OXSR1: variants seen among roughly 807,000 people sequenced by gnomAD.
The protein encoded by OXSR1 is serine/threonine-protein kinase OSR1.
Under a neutral mutation model 79.8 loss-of-function variants are expected in OXSR1, and 24 were observed. That is an observed-to-expected ratio of 0.30 (90% CI 0.22 to 0.42). OXSR1 has a LOEUF of 0.42. Among genes scored for constraint, OXSR1 ranks in the 10% least tolerant of loss-of-function variants. The pLI is 1.00. For missense variants in OXSR1, 430 were observed against 618.4 expected (o/e 0.70, Z 3.23); for synonymous variants, 226 against 209.2 (o/e 1.08, Z -0.69).
chr3:38,249,771 T>C (rs1158383758), intron 14 of OXSR1, among the ~76,000 whole-genome samples, 195 bp from the exon 15 acceptor site: 1 of 152,080 alleles, frequency 6.6e-6, no homozygotes, highest in Admixed American at 6.6e-5. Context: ...ATTCAAAGGG[T>C]TGTAGGACAA....
At chr3:38,252,768 C>A in intron 17 of OXSR1, 49 bp from the exon 18 acceptor site, 1 of 1,468,342 alleles carries the variant, frequency 6.8e-7, no homozygotes, top group Non-Finnish European at 9.5e-7. Context: ...TTGCTACCTG[C>A]AAGTTTGTTT....
Position 38,253,224 on chromosome 3 carries a change from G to T in OXSR1, c.*333G>T. On this transcript the variant is annotated 3_prime_UTR_variant, in exon 18 of 18. Transcript: ENST00000311806. The stretch of plus-strand genomic sequence containing the variant: ...TTGCCTTACTCCAATGATGGCCCAG[G>T]TGGAAAAGTAGCAGCTGTATCGGGC... 1 of 276,022 alleles carries T rather than the reference G, an allele frequency of 3.6e-6. No individual in the cohort carries two copies. Among genetic ancestry groups the T allele is most frequent in the Non-Finnish European group, 6.9e-6 (1 of 145,218 alleles). The allele number at this position is 276,022 out of a possible 1,614,324, so 17.1% of individuals were successfully genotyped here. A position where few individuals can be genotyped will look rare whatever the true frequency, so the allele number is the denominator to read the frequency against.
At chr3:38,164,955 G>A (rs998984665), upstream of OXSR1, 1 of 152,214 alleles carries the variant, frequency 6.6e-6, no homozygotes, top group Admixed American at 6.6e-5. Flanking sequence ...ACACCCAAAG[G>A]CTACCCCACC....
intron 1 of OXSR1, 143 bp downstream of exon 1, chr3:38,166,089 T>C (rs1559495727): frequency 7.9e-6 from 6 of 756,322 alleles, no homozygotes; most frequent in Non-Finnish European, 1.3e-5. Flanking sequence ...TGTAGGACGC[T>C]TGTGTCGAGG....
intron 15 of OXSR1, 117 bp downstream of exon 15, chr3:38,250,135 C>T (rs1467819856): frequency 1.4e-5 from 10 of 724,230 alleles, no homozygotes; most frequent in Non-Finnish European, 2.1e-5. Context: ...AAAAATTTTC[C>T]TGGTTTTGGC....
At chr3:38,171,392 G>C (rs1391048478) in intron 1 of OXSR1, among the ~76,000 whole-genome samples, 3 of 152,268 alleles carry the variant, frequency 2.0e-5, no homozygotes, top group African/African-American at 4.8e-5. Flanking sequence ...TAGAAAAAAG[G>C]GTTTGGGATC....
intron 4 of OXSR1, among the ~76,000 whole-genome samples, chr3:38,201,336 C>T (rs911333253): frequency 1.2e-4 from 18 of 151,248 alleles, no homozygotes; most frequent in African/African-American, 3.6e-4. Context: ...GAGAGGCGGG[C>T]GGATTGCTTG....
intron 2 of OXSR1, among the ~76,000 whole-genome samples, chr3:38,189,423 C>A (rs1701943426): frequency 6.6e-6 from 1 of 152,064 alleles, no homozygotes; most frequent in South Asian, 2.1e-4. Flanking sequence ...TTCATATTTA[C>A]TTAGCTTTTA....
intron 10 of OXSR1, 63 bp from the exon 11 acceptor site, chr3:38,236,776 T>C (rs747019446): frequency 2.8e-6 from 4 of 1,424,774 alleles, no homozygotes; most frequent in Middle Eastern, 1.8e-4. Flanking sequence ...GAGAGAAATA[T>C]GGAGTTTTCT....
intron 1 of OXSR1, among the ~76,000 whole-genome samples, chr3:38,178,771 C>G (rs1419192849): frequency 6.6e-6 from 1 of 151,482 alleles, no homozygotes; most frequent in Non-Finnish European, 1.5e-5. Flanking sequence ...AGCCACCATA[C>G]CCGGCCTCAT....
At chr3:38,193,788 G>C (rs958636567) in intron 3 of OXSR1, among the ~76,000 whole-genome samples, 6 of 152,026 alleles carry the variant, frequency 3.9e-5, no homozygotes, top group African/African-American at 1.4e-4. Context: ...GCACTCAGCA[G>C]ATTTCCTGGA....
chr3:38,220,959 G>C (rs1702576914), intron 5 of OXSR1, among the ~76,000 whole-genome samples: 2 of 152,120 alleles, frequency 1.3e-5, no homozygotes, highest in Non-Finnish European at 2.9e-5. Flanking sequence ...AAATCCTGAG[G>C]CTTAGAGAGG....
At chr3:38,235,878 TA>T (rs1484674949) in intron 10 of OXSR1, among the ~76,000 whole-genome samples, 1 of 152,206 alleles carries the variant, frequency 6.6e-6, no homozygotes, top group Non-Finnish European at 1.5e-5. Context: ...GTGCTTAAAC[TA>T]AAAACAGAAG....
At chr3:38,176,298 CT>C (rs1295082353) in intron 1 of OXSR1, among the ~76,000 whole-genome samples, 1 of 152,082 alleles carries the variant, frequency 6.6e-6, no homozygotes, top group African/African-American at 2.4e-5. Flanking sequence ...TTATTTGTAT[CT>C]CTAATCCTTC....
chr3:38,172,847 TC>T (rs1701607879), intron 1 of OXSR1, among the ~76,000 whole-genome samples: 1 of 152,192 alleles, frequency 6.6e-6, no homozygotes, highest in African/African-American at 2.4e-5. Flanking sequence ...AAATCCTTTT[TC>T]CCCCTTATAT....
At position 38,223,794 on chromosome 3, in the gene OXSR1, T is replaced by C; in HGVS notation, c.601-18T>C. Reference sequence around the variant, plus strand: ...CCTTTTATGCTGGTAAAAATAATCATGCAAATCTGTTTTGCAGGTCCGTGG... The same window carrying C: ...CCTTTTATGCTGGTAAAAATAATCACGCAAATCTGTTTTGCAGGTCCGTGG... On this transcript the variant is annotated intron_variant, in intron 6 of 17. Transcript: ENST00000311806. The C allele has an allele frequency of 6.4e-7, 1 of 1,567,338 alleles. No individual in the cohort carries two copies. The highest frequency in any genetic ancestry group is 8.8e-7 in the Non-Finnish European group (1 of 1,140,218).
intron 4 of OXSR1, among the ~76,000 whole-genome samples, chr3:38,204,136 G>C (rs1037363399): frequency 5.3e-5 from 8 of 152,132 alleles, no homozygotes; most frequent in African/African-American, 1.9e-4. Context: ...CTCATGGCAG[G>C]TACTGCCTGG....
intron 5 of OXSR1, among the ~76,000 whole-genome samples, chr3:38,219,501 G>A (rs1702546855): frequency 6.6e-6 from 1 of 152,006 alleles, no homozygotes; most frequent in Admixed American, 6.6e-5. Flanking sequence ...ATATATTACA[G>A]GGACTGTTCT....
chr3:38,198,050 C>T (rs1240923564), intron 3 of OXSR1, among the ~76,000 whole-genome samples: 1 of 152,148 alleles, frequency 6.6e-6, no homozygotes, highest in African/African-American at 2.4e-5. Context: ...CAGCACTGTG[C>T]TTTTAATTAC....
Sources: gnomAD v4.1 joint callset for allele counts (sites outside exome capture counted in the v4.1 genomes callset) on GRCh38, gnomAD v4.1.1 for gene constraint, MANE v1.5 for transcripts, NCBI Gene and HGNC (gene_info 2026-07-23, HGNC 2026-07-21) for gene names.